Variants in PRKG2 observed in about 807,000 individuals in gnomAD.
PRKG2 encodes the protein cGMP-dependent protein kinase 2.
In PRKG2, 33 loss-of-function variants were observed where a neutral mutation model predicts 97.2. The observed-to-expected ratio is 0.34, with a 90% CI of 0.26 to 0.45. The LOEUF (loss-of-function observed/expected upper bound fraction) is 0.45. Among genes scored for constraint, PRKG2 ranks in the 20% least tolerant of loss-of-function variants. PRKG2 has a pLI of 1.00. For synonymous variants in PRKG2, 330 were observed against 321.8 expected (o/e 1.03, Z -0.27); for missense variants, 638 against 900.0 (o/e 0.71, Z 3.73).
At chr4:81,092,515 A>AG (rs1741682367) in intron 17 of PRKG2, 63 bp from the exon 18 acceptor site, 20 of 1,002,614 alleles carry the variant, frequency 2.0e-5, no homozygotes, top group African/African-American at 6.7e-5. Flanking sequence ...GAAGGAAGGG[A>AG]GAAAGAAAGA....
At chr4:81,106,244 C>A (rs1056426363) in intron 15 of PRKG2, among the ~76,000 whole-genome samples, 1 of 152,076 alleles carries the variant, frequency 6.6e-6, no homozygotes, top group Non-Finnish European at 1.5e-5. Flanking sequence ...ATAAGAAAAG[C>A]CTCTCATAGG....
At chr4:81,211,748 T>C (rs915570188) in intron 1 of PRKG2, among the ~76,000 whole-genome samples, 6 of 151,882 alleles carry the variant, frequency 4.0e-5, no homozygotes, top group African/African-American at 7.3e-5. Flanking sequence ...AAATTGACCA[T>C]CTCCGTGGTA....
intron 6 of PRKG2, among the ~76,000 whole-genome samples, chr4:81,159,660 G>C (rs1297335265): frequency 6.6e-6 from 1 of 151,948 alleles, no homozygotes; most frequent in Non-Finnish European, 1.5e-5. Context: ...ACATGCACAC[G>C]TATGTTTATT....
intron 14 of PRKG2, among the ~76,000 whole-genome samples, chr4:81,122,097 GATT>G (rs1278356838): frequency 2.0e-5 from 3 of 152,114 alleles, no homozygotes; most frequent in Admixed American, 2.0e-4. Context: ...AGATTTATTG[GATT>G]ATTATTTGTT....
At position 81,157,178 on chromosome 4, in the gene PRKG2, A is replaced by G. The variant is rs1322498685; in HGVS notation, c.913-3457T>C. Among the ~76,000 whole-genome samples the G allele has an allele frequency of 1.5e-3, 229 of 152,254 alleles. 1 individual carries two copies. The South Asian group carries it at 0.016, about 11-fold the overall frequency. ...AAAGGATCAACAAAATTGATAGACC[A>G]CTAGCAAGATTAATAAAGAAAAAAA... On this transcript the variant is annotated intron_variant, in intron 6 of 18. Transcript: ENST00000264399.
At chr4:81,164,727 A>T (rs1267038243) in intron 6 of PRKG2, among the ~76,000 whole-genome samples, 1 of 152,108 alleles carries the variant, frequency 6.6e-6, no homozygotes, top group Non-Finnish European at 1.5e-5. Flanking sequence ...CACCACAGGC[A>T]ATCTGACTAA....
At chr4:81,190,388 T>C (rs1752380167) in intron 2 of PRKG2, among the ~76,000 whole-genome samples, 1 of 152,180 alleles carries the variant, frequency 6.6e-6, no homozygotes, top group Non-Finnish European at 1.5e-5. Flanking sequence ...TGGCTAGCCA[T>C]ATGCAGAAAA....
At chr4:81,159,171 G>A (rs1349973591) in intron 6 of PRKG2, among the ~76,000 whole-genome samples, 4 of 151,984 alleles carry the variant, frequency 2.6e-5, no homozygotes, top group African/African-American at 4.8e-5. Context: ...GGGTGAACAG[G>A]CAACCTACAA....
intron 17 of PRKG2, among the ~76,000 whole-genome samples, chr4:81,103,809 G>T (rs1025887991): frequency 6.6e-6 from 1 of 151,972 alleles, no homozygotes; most frequent in African/African-American, 2.4e-5. Context: ...GAGGCAGGTG[G>T]ATCATGAGGT....
At chr4:81,153,156 C>G (rs1748587255) in intron 7 of PRKG2, among the ~76,000 whole-genome samples, 1 of 152,210 alleles carries the variant, frequency 6.6e-6, no homozygotes, top group South Asian at 2.1e-4. Flanking sequence ...GCATCAGCAT[C>G]TAAATTCACT....
intron 2 of PRKG2, among the ~76,000 whole-genome samples, chr4:81,176,262 A>G (rs1750917566): frequency 6.6e-6 from 1 of 151,996 alleles, no homozygotes; most frequent in African/African-American, 2.4e-5. Flanking sequence ...TTTATTTCCC[A>G]TTTTCAAGGA....
intron 2 of PRKG2, among the ~76,000 whole-genome samples, chr4:81,183,647 G>A (rs754452472): frequency 1.3e-5 from 2 of 151,512 alleles, no homozygotes; most frequent in East Asian, 1.9e-4. Flanking sequence ...AGACAGAATC[G>A]TTCACTCCCC....
At chr4:81,126,229 A>T (rs1007792148) in intron 14 of PRKG2, among the ~76,000 whole-genome samples, 2 of 152,220 alleles carry the variant, frequency 1.3e-5, no homozygotes, top group Non-Finnish European at 2.9e-5. Context: ...ATGGCTGCAT[A>T]GTATTCCATG....
In PRKG2 at chr4:81,153,636, A is replaced by G; in HGVS notation, c.990+8T>C. ...TTTTTTATTTAGTAAGTTTTAATTA[A>G]TAGTTACCTTTCCTTTTGCCAAAAT... On this transcript the variant is annotated splice_region_variant and intron_variant, in intron 7 of 18. Transcript: ENST00000264399. 1 of 1,560,920 alleles carries G rather than the reference A, an allele frequency of 6.4e-7. No individual in the cohort carries two copies. Among genetic ancestry groups the G allele is most frequent in the East Asian group, 2.2e-5 (1 of 44,612 alleles).
chr4:81,137,912 T>C (rs1746871675), intron 12 of PRKG2, among the ~76,000 whole-genome samples: 1 of 152,166 alleles, frequency 6.6e-6, no homozygotes, highest in Non-Finnish European at 1.5e-5. Flanking sequence ...TTATATCCCC[T>C]AGTTGGTTAA....
At chr4:81,141,483 C>T (rs1254983044) in intron 11 of PRKG2, among the ~76,000 whole-genome samples, 1 of 152,170 alleles carries the variant, frequency 6.6e-6, no homozygotes, top group African/African-American at 2.4e-5. Context: ...AGATATAAGA[C>T]ATTTCCCTCA....
chr4:81,139,586 T>C (rs1287888533), intron 12 of PRKG2, among the ~76,000 whole-genome samples: 2 of 149,148 alleles, frequency 1.3e-5, no homozygotes, highest in Admixed American at 1.3e-4. Context: ...GCTAACACGG[T>C]GAAACCCCGT....
At chr4:81,096,276 T>C (rs2109949504) in intron 17 of PRKG2, among the ~76,000 whole-genome samples, 1 of 152,298 alleles carries the variant, frequency 6.6e-6, no homozygotes, top group South Asian at 2.1e-4. Context: ...GCATAGTGGC[T>C]CATGCCTACA....
At chr4:81,106,169 C>T (rs552066548) in intron 15 of PRKG2, among the ~76,000 whole-genome samples, 9 of 152,084 alleles carry the variant, frequency 5.9e-5, no homozygotes, top group South Asian at 2.1e-4. Context: ...GGTCATGTGT[C>T]GATAATCACT....
Sources: gnomAD v4.1 joint callset for allele counts (sites outside exome capture counted in the v4.1 genomes callset) on GRCh38, gnomAD v4.1.1 for gene constraint, MANE v1.5 for transcripts, NCBI Gene and HGNC (gene_info 2026-07-23, HGNC 2026-07-21) for gene names.